The following CCDC158 variants were observed in gnomAD, a reference collection of about 807,000 sequenced individuals.
CCDC158 encodes coiled-coil domain-containing protein 158.
CCDC158 carries 116 observed loss-of-function variants against 138.6 expected under a neutral mutation model. The observed-to-expected ratio is 0.84, with a 90% confidence interval of 0.72 to 0.98. CCDC158 has a LOEUF of 0.98. Ranked by LOEUF, CCDC158 falls within the 50% of genes least tolerant of loss-of-function variation. The pLI, the probability that CCDC158 is intolerant of heterozygous loss-of-function variation, is 0.00. For missense variants in CCDC158, 1,265 were observed against 1,306.1 expected, an observed-to-expected ratio of 0.97 and a Z score of 0.48; for synonymous variants, 436 against 442.4, an observed-to-expected ratio of 0.99 and a Z score of 0.18.
intron 3 of CCDC158, among the ~76,000 whole-genome samples, chr4:76,399,777 T>C (rs1728174722): frequency 6.6e-6 from 1 of 152,154 alleles, no homozygotes; most frequent in African/African-American, 2.4e-5. Context: ...GGCATGTTTT[T>C]ATTGATGGAA....
At chr4:76,314,120 T>A (rs2110051064) in intron 24 of CCDC158, among the ~76,000 whole-genome samples, 1 of 152,308 alleles carries the variant, frequency 6.6e-6, no homozygotes, top group South Asian at 2.1e-4. Context: ...GCACTTCAAG[T>A]TTTGACAGTC....
At chr4:76,350,883 T>C (rs1184491256) in intron 18 of CCDC158, 113 bp downstream of exon 18, 21 of 893,246 alleles carry the variant, frequency 2.4e-5, no homozygotes, top group Non-Finnish European at 3.3e-5. Flanking sequence ...TAAAATCTAG[T>C]AATTGAAAAT....
At chr4:76,329,780 T>C (rs999844386) in intron 21 of CCDC158, among the ~76,000 whole-genome samples, 2 of 152,204 alleles carry the variant, frequency 1.3e-5, no homozygotes, top group Admixed American at 6.5e-5. Context: ...ACTTTCATTA[T>C]GATATCAGGT....
At chr4:76,382,516 A>G in intron 8 of CCDC158, 94 bp downstream of exon 8, 1 of 751,608 alleles carries the variant, frequency 1.3e-6, no homozygotes. Context: ...ATGAAATCTT[A>G]CTAAGCAAGT....
At chr4:76,367,843 C>T in intron 11 of CCDC158, 67 bp from the exon 12 acceptor site, 2 of 1,398,772 alleles carry the variant, frequency 1.4e-6, no homozygotes, top group Non-Finnish European at 1.9e-6. Flanking sequence ...TCAAGAGATA[C>T]AAGTTAACTT....
intron 4 of CCDC158, among the ~76,000 whole-genome samples, chr4:76,390,547 C>T (rs1183810585): frequency 3.3e-5 from 5 of 151,238 alleles, no homozygotes; most frequent in Non-Finnish European, 1.5e-5. Context: ...AGGAGGAATA[C>T]AGGAAGGAAA....
chr4:76,345,354 G>C, intron 18 of CCDC158: 1 of 1,111,392 alleles, frequency 9.0e-7, no homozygotes, highest in Non-Finnish European at 1.4e-6. Flanking sequence ...CAAAGCTCTG[G>C]ATAAGGCCCG....
intron 3 of CCDC158, chr4:76,402,093 T>C (rs1194896589): frequency 1.3e-5 from 2 of 152,206 alleles, no homozygotes; most frequent in Non-Finnish European, 1.5e-5. Flanking sequence ...GATTATCCTA[T>C]TCTGAACCTG....
At position 76,362,645 on chromosome 4, in the gene CCDC158, C is replaced by A. The variant is rs566082976; in HGVS notation, c.1831-330G>T. 1.6e-4 allele frequency among the ~76,000 whole-genome samples: 24 copies of A among 152,230 alleles called. No individual in the cohort carries two copies. The South Asian group carries it at 1.9e-3, about 12-fold the overall frequency. On this transcript the variant is annotated intron_variant, in intron 12 of 24. Transcript: ENST00000682701. ...TCACTCAAAAAATACATATTAAGAA[C>A]CTTCTTTGTGGCAGGAACTATTTTA...
At chr4:76,391,388 T>C (rs1344585218) in intron 4 of CCDC158, among the ~76,000 whole-genome samples, 1 of 151,870 alleles carries the variant, frequency 6.6e-6, no homozygotes, top group South Asian at 2.1e-4. Flanking sequence ...TTGGAAACCA[T>C]ACAAATACAC....
chr4:76,356,138 GA>G (rs1723538557), intron 14 of CCDC158, among the ~76,000 whole-genome samples: 1 of 152,016 alleles, frequency 6.6e-6, no homozygotes, highest in South Asian at 2.1e-4. Context: ...AGGTTAAAAA[GA>G]AAAATGAAAA....
intron 4 of CCDC158, among the ~76,000 whole-genome samples, chr4:76,391,565 A>G (rs546147794): frequency 6.6e-6 from 1 of 152,084 alleles, no homozygotes; most frequent in Non-Finnish European, 1.5e-5. Flanking sequence ...TTAAGTGCCT[A>G]CTTCAAAAAA....
chr4:76,416,915 G>A (rs1412297661), intron 1 of CCDC158, among the ~76,000 whole-genome samples: 5 of 152,220 alleles, frequency 3.3e-5, no homozygotes. Context: ...ACTGGGCACT[G>A]CCTAATGGAG....
intron 3 of CCDC158, among the ~76,000 whole-genome samples, chr4:76,400,108 T>G (rs201696703): frequency 4.6e-5 from 7 of 152,220 alleles, no homozygotes; most frequent in African/African-American, 1.7e-4. Context: ...GATTTTCGTA[T>G]GTTTATTGCG....
chr4:76,410,503 C>T (rs1260977314), intron 2 of CCDC158, among the ~76,000 whole-genome samples: 2 of 152,052 alleles, frequency 1.3e-5, no homozygotes, highest in African/African-American at 2.4e-5. Flanking sequence ...ATTTTGATTG[C>T]GTACAGATGA....
Position 76,371,500 on chromosome 4 carries a change from A to T in CCDC158, c.1066T>A (p.Ser356Thr). 1 of 1,614,132 alleles carries T rather than the reference A, an allele frequency of 6.2e-7. No individual in the cohort carries two copies. Among genetic ancestry groups the T allele is most frequent in the Non-Finnish European group, 8.5e-7 (1 of 1,179,974 alleles). Residue 356 changes from serine to threonine, a missense_variant, in exon 10 of 25, where the codon TCA becomes ACA. Physicochemically the swap from Ser to Thr is moderately conservative, Grantham distance 58. Coordinates refer to ENST00000682701, the MANE Select transcript of CCDC158 (RefSeq NM_001394954.1). Reference protein sequence around the residue: ...ELEKQLVLANSELTEARTERD... With the variant: ...ELEKQLVLANTELTEARTERD... ...TCTGTCCGGGCTTCAGTTAGCTCTG[A>T]GTTGGCAAGGACTAACTGCTTTTCC...
At chr4:76,354,764 T>C (rs1339874564) in intron 15 of CCDC158, among the ~76,000 whole-genome samples, 1 of 152,176 alleles carries the variant, frequency 6.6e-6, no homozygotes, top group Non-Finnish European at 1.5e-5. Flanking sequence ...CATCCGGTGT[T>C]ACAGGAAACT....
intron 1 of CCDC158, among the ~76,000 whole-genome samples, chr4:76,414,035 A>G (rs1316001317): frequency 6.6e-6 from 1 of 152,056 alleles, no homozygotes; most frequent in Non-Finnish European, 1.5e-5. Flanking sequence ...CAGTCCCCCA[A>G]GTAGCTGGGA....
intron 24 of CCDC158, among the ~76,000 whole-genome samples, chr4:76,317,045 G>C (rs1042220949): frequency 6.7e-6 from 1 of 149,902 alleles, no homozygotes; most frequent in African/African-American, 2.5e-5. Flanking sequence ...ATCTCACAGG[G>C]CCTATAAAAC....
Sources: gnomAD v4.1 joint callset for allele counts (sites outside exome capture counted in the v4.1 genomes callset) on GRCh38, gnomAD v4.1.1 for gene constraint, MANE v1.5 for transcripts, NCBI Gene and HGNC (gene_info 2026-07-23, HGNC 2026-07-21) for gene names.